The following PGAP2 variants were observed in gnomAD, a reference collection of about 807,000 sequenced individuals.
The protein encoded by PGAP2 is post-GPI attachment to proteins 2, also known as acyltransferase PGAP2.
A neutral mutation model predicts 33.2 loss-of-function variants in PGAP2; 21 were observed. The ratio of observed to expected loss-of-function variants is 0.63; its 90% CI spans 0.45 to 0.91. The LOEUF (loss-of-function observed/expected upper bound fraction) is 0.91, where lower values mean the gene tolerates loss of function less well. Among genes scored for constraint, PGAP2 ranks in the 40% least tolerant of loss-of-function variants. The pLI is 0.00. For synonymous variants in PGAP2, 161 were observed against 172.9 expected (o/e 0.93, Z 0.54); for missense variants, 345 against 424.0 (o/e 0.81, Z 1.64).
At chr11:3,803,936 G>A (rs181709518), upstream of PGAP2, among the ~76,000 whole-genome samples, 620 of 151,902 alleles carry the variant, frequency 4.1e-3, 4 homozygotes, top group African/African-American at 0.014. Flanking sequence ...GACTTCAGGC[G>A]CGTGCCACCA....
exon 1 of PGAP2, chr11:3,797,869 G>T (rs1350752770): frequency 7.1e-6 from 11 of 1,550,492 alleles, no homozygotes; most frequent in Middle Eastern, 3.3e-4. Context: ...AGCACCGGCG[G>T]GGTGTCGGGA....
upstream of PGAP2, among the ~76,000 whole-genome samples, chr11:3,807,607 C>T (rs921393329): frequency 2.0e-5 from 3 of 151,952 alleles, no homozygotes; most frequent in African/African-American, 7.2e-5. Context: ...CGCGCCTGGC[C>T]CTCACAGGGT....
chr11:3,801,726 C>G (rs1182216092), intron 1 of PGAP2, among the ~76,000 whole-genome samples: 1 of 151,084 alleles, frequency 6.6e-6, no homozygotes, highest in Admixed American at 6.6e-5. Context: ...GGGCAGATCA[C>G]CTGAGATCAG....
upstream of PGAP2, among the ~76,000 whole-genome samples, chr11:3,807,206 G>A (rs1051289528): frequency 1.2e-4 from 18 of 149,660 alleles, no homozygotes; most frequent in Non-Finnish European, 1.8e-4. Flanking sequence ...GCGCAGTAGC[G>A]GGCGCCTGTT....
chr11:3,805,952 T>TGG (rs1297569727), upstream of PGAP2, among the ~76,000 whole-genome samples: 1 of 148,216 alleles, frequency 6.7e-6, no homozygotes, highest in Admixed American at 6.9e-5. Flanking sequence ...CCCAAAGTGC[T>TGG]GGGATTACAG....
upstream of PGAP2, chr11:3,808,200 T>G: frequency 1.3e-6 from 2 of 1,496,634 alleles, no homozygotes; most frequent in South Asian, 1.2e-5. Context: ...CGAGGCTGGA[T>G]AGTTCGGTTA....
At chr11:3,820,593 G>A (rs939887190) in intron 3 of PGAP2, among the ~76,000 whole-genome samples, 2 of 152,066 alleles carry the variant, frequency 1.3e-5, no homozygotes, top group Non-Finnish European at 2.9e-5. Context: ...CTGGGAGGTG[G>A]AGTTTGCAAT....
At chr11:3,808,506 G>C (rs1214363824), upstream of PGAP2, 1 of 1,401,844 alleles carries the variant, frequency 7.1e-7, no homozygotes, top group Admixed American at 3.0e-5. Context: ...CGGAGGATCT[G>C]GGCGCAGTTT....
At position 3,797,945 on chromosome 11, in the gene PGAP2, G is replaced by GC; in HGVS notation, c.103dup (p.Leu35ProfsTer14). ...GAGCGCCGCGACTCGGGCTGAGGGA[G>GC]CTCGGGCCAATCAGAGGGACGGCCC... is the stretch of plus-strand genomic sequence containing the variant. On this transcript the variant is annotated frameshift_variant, in exon 1 of 7. Coordinates refer to the PGAP2 transcript ENST00000300730. LOFTEE classifies it high-confidence loss of function. The GC allele has an allele frequency of 5.8e-6, 9 of 1,548,326 alleles. No homozygotes were observed. Among genetic ancestry groups the GC allele is most frequent in the Non-Finnish European group, 7.0e-6 (8 of 1,145,434 alleles).
intron 3 of PGAP2, among the ~76,000 whole-genome samples, chr11:3,821,474 CT>C (rs2088613278): frequency 6.6e-6 from 1 of 152,174 alleles, no homozygotes; most frequent in Non-Finnish European, 1.5e-5. Flanking sequence ...AATCCATATT[CT>C]TGCTGGGGGT....
At chr11:3,800,781 G>A (rs1317059725) in intron 1 of PGAP2, among the ~76,000 whole-genome samples, 8 of 126,920 alleles carry the variant, frequency 6.3e-5, no homozygotes, top group South Asian at 2.5e-4. Context: ...CACTGCACTC[G>A]ATCCTGGGCC....
intron 3 of PGAP2, among the ~76,000 whole-genome samples, chr11:3,821,590 C>G (rs992135268): frequency 6.6e-6 from 1 of 151,932 alleles, no homozygotes; most frequent in African/African-American, 2.4e-5. Context: ...GAAACCCCAT[C>G]TCTACTAAAA....
At chr11:3,823,706 G>T (rs757331141) in intron 3 of PGAP2, 177 bp from the exon 4 acceptor site, 1 of 1,591,886 alleles carries the variant, frequency 6.3e-7, no homozygotes, top group Non-Finnish European at 8.5e-7. Flanking sequence ...AGCACTTTGG[G>T]CCTAGGACCT....
intron 2 of PGAP2, among the ~76,000 whole-genome samples, chr11:3,814,755 T>C (rs59010293): frequency 0.3 from 13,364 of 44,926 alleles, 797 homozygotes; most frequent in Non-Finnish European, 0.41. Flanking sequence ...TTCTTTTCTT[T>C]CTTTCTTTCT....
intron 1 of PGAP2, among the ~76,000 whole-genome samples, chr11:3,798,386 T>A (rs2082887113): frequency 6.6e-6 from 1 of 152,100 alleles, no homozygotes; most frequent in Non-Finnish European, 1.5e-5. Context: ...GTGGAGTGCA[T>A]TGGCGCAATC....
chr11:3,822,380 G>A (rs148460218), intron 3 of PGAP2, among the ~76,000 whole-genome samples: 1 of 148,686 alleles, frequency 6.7e-6, no homozygotes, highest in Non-Finnish European at 1.5e-5. Flanking sequence ...AGAAAAAAAA[G>A]CAGATTCTGG....
At chr11:3,822,130 C>T (rs1020591484) in intron 3 of PGAP2, among the ~76,000 whole-genome samples, 2 of 152,004 alleles carry the variant, frequency 1.3e-5, no homozygotes, top group African/African-American at 2.4e-5. Flanking sequence ...TTTGGGAGGC[C>T]GAGGTGGGCG....
chr11:3,798,011 G>A, intron 1 of PGAP2: 1 of 1,535,322 alleles, frequency 6.5e-7, no homozygotes, highest in Non-Finnish European at 8.8e-7. Context: ...CCTTGCCCCG[G>A]TCCGCCGGCG....
In PGAP2 at chr11:3,824,993, A is replaced by C. The variant is rs760983813; in HGVS notation, c.709-27A>C. Reference sequence around the variant, plus strand: ...CACGCTCTCATACCCAGCAAGCTGCAGAGTGATCAGACAGCCCATTCCCTA... The same window carrying C: ...CACGCTCTCATACCCAGCAAGCTGCCGAGTGATCAGACAGCCCATTCCCTA... On this transcript the variant is annotated intron_variant, in intron 5 of 6. Coordinates refer to ENST00000278243, the MANE Select transcript of PGAP2 (RefSeq NM_014489.4). The C allele has an allele frequency of 2.5e-6, 4 of 1,613,926 alleles. No individual in the cohort carries two copies. The South Asian group carries it at 4.4e-5, about 18-fold the overall frequency.
Sources: gnomAD v4.1 joint callset for allele counts (sites outside exome capture counted in the v4.1 genomes callset) on GRCh38, gnomAD v4.1.1 for gene constraint, MANE v1.5 for transcripts, NCBI Gene and HGNC (gene_info 2026-07-23, HGNC 2026-07-21) for gene names.